Variants in CACNA2D3 observed in about 807,000 individuals in gnomAD.
The protein encoded by CACNA2D3 is calcium voltage-gated channel auxiliary subunit alpha2delta 3.
Under a neutral mutation model 160.6 loss-of-function variants are expected in CACNA2D3, and 60 were observed. The observed-to-expected ratio is 0.37, with a 90% CI of 0.30 to 0.46. The LOEUF (loss-of-function observed/expected upper bound fraction) is 0.46, where lower values mean the gene tolerates loss of function less well. CACNA2D3 is among the 20% of genes least tolerant of loss of function. The pLI is 1.00. For missense variants in CACNA2D3, 1,205 were observed against 1,365.0 expected, an observed-to-expected ratio of 0.88 and a Z score of 1.85; for synonymous variants, 558 against 492.9, an observed-to-expected ratio of 1.13 and a Z score of -1.75.
At chr3:54,907,139 C>T (rs1260365737) in intron 27 of CACNA2D3, among the ~76,000 whole-genome samples, 1 of 152,198 alleles carries the variant, frequency 6.6e-6, no homozygotes, top group Admixed American at 6.5e-5. Flanking sequence ...CATCCTCTTA[C>T]CTGCTTGTGT....
At position 54,764,205 on chromosome 3, in the gene CACNA2D3, T is replaced by G. The variant is rs746144734; in HGVS notation, c.1247-13T>G. 2.6e-5 allele frequency: 42 copies of G among 1,613,300 alleles called. No individual in the cohort carries two copies. Among genetic ancestry groups the G allele is most frequent in the Non-Finnish European group, 3.5e-5 (41 of 1,179,592 alleles). On this transcript the variant is annotated splice_polypyrimidine_tract_variant and intron_variant, in intron 12 of 37. Transcript: ENST00000474759. ...TCTGTTACTAAACTTGGCCCTCCCT[T>G]GGGTTTTGACAGGATTTTTTACCCA...
At chr3:54,146,755 C>G (rs1700037510) in intron 2 of CACNA2D3, among the ~76,000 whole-genome samples, 1 of 152,246 alleles carries the variant, frequency 6.6e-6, no homozygotes, top group Non-Finnish European at 1.5e-5. Flanking sequence ...CGGGGTGTCA[C>G]CGTTAGGGCC....
rs910281026 is a variant in CACNA2D3, at chr3:54,315,318, ACAAT to A, written c.205-5120_205-5117del. 8.5e-5 allele frequency among the ~76,000 whole-genome samples: 13 copies of A among 152,294 alleles called. 1 individual carries two copies. Among genetic ancestry groups the A allele is most frequent in the African/African-American group, 2.9e-4 (12 of 41,564 alleles). Reference sequence around the variant, plus strand: ...CACCCCGCAGAGGCCCTGTGGAGGAACAATCAACTCTCGTGACTTCACATGTGAC... The same window carrying A: ...CACCCCGCAGAGGCCCTGTGGAGGAACAACTCTCGTGACTTCACATGTGAC... On this transcript the variant is annotated intron_variant, in intron 2 of 37. Transcript: ENST00000474759.
At chr3:54,368,362 G>A (rs78278565) in intron 3 of CACNA2D3, among the ~76,000 whole-genome samples, 4,090 of 152,128 alleles carry the variant, frequency 0.027, 93 homozygotes, top group Middle Eastern at 0.048. Flanking sequence ...TTACCTATTC[G>A]TCTCCTTTAC....
At chr3:54,484,132 C>T (rs369136033) in intron 4 of CACNA2D3, among the ~76,000 whole-genome samples, 6 of 152,166 alleles carry the variant, frequency 3.9e-5, no homozygotes, top group African/African-American at 7.2e-5. Flanking sequence ...TGAAACACTA[C>T]GGTACTCCCA....
chr3:54,673,955 C>T lies in CACNA2D3; in HGVS notation c.1167+31714C>T, dbSNP rs185543147. Reference sequence around the variant, plus strand: ...GCCTCATGTGTCTCTAGACTTAAACCGCCGGCAGCTGTGTCTTCCATGGCT... The same window carrying T: ...GCCTCATGTGTCTCTAGACTTAAACTGCCGGCAGCTGTGTCTTCCATGGCT... On this transcript the variant is annotated intron_variant, in intron 11 of 37. Coordinates refer to ENST00000474759, the MANE Select transcript of CACNA2D3 (RefSeq NM_018398.3). 1.8e-4 allele frequency among the ~76,000 whole-genome samples: 28 copies of T among 152,284 alleles called. No individual in the cohort carries two copies. In the East Asian group the frequency reaches 4.1e-3, roughly 22 times the overall value.
At chr3:54,317,817 GT>G (rs1703900562) in intron 2 of CACNA2D3, among the ~76,000 whole-genome samples, 2 of 152,154 alleles carry the variant, frequency 1.3e-5, no homozygotes, top group Non-Finnish European at 2.9e-5. Context: ...GGGATTACAG[GT>G]GTGAACCACC....
chr3:54,425,972 A>G (rs1459441228), intron 4 of CACNA2D3, among the ~76,000 whole-genome samples: 1 of 152,230 alleles, frequency 6.6e-6, no homozygotes, highest in Non-Finnish European at 1.5e-5. Context: ...TCCTAGCCTC[A>G]GAGACAGTAG....
intron 4 of CACNA2D3, among the ~76,000 whole-genome samples, chr3:54,439,757 CT>C (rs1218160491): frequency 1.3e-5 from 2 of 152,130 alleles, no homozygotes; most frequent in African/African-American, 4.8e-5. Flanking sequence ...AGGAAATACA[CT>C]TTCCTCATGA....
chr3:54,587,025 G>A (rs1051347647), intron 9 of CACNA2D3, among the ~76,000 whole-genome samples: 2 of 151,990 alleles, frequency 1.3e-5, no homozygotes, highest in African/African-American at 4.8e-5. Flanking sequence ...AGCAATGTTA[G>A]GGGAGAAATT....
intron 2 of CACNA2D3, among the ~76,000 whole-genome samples, chr3:54,200,068 T>C (rs1474570648): frequency 1.3e-5 from 2 of 152,216 alleles, no homozygotes; most frequent in Non-Finnish European, 1.5e-5. Context: ...TCTGGCCCTT[T>C]ATAGGAAAAG....
At chr3:54,391,157 G>A (rs750599110) in intron 4 of CACNA2D3, among the ~76,000 whole-genome samples, 1 of 152,198 alleles carries the variant, frequency 6.6e-6, no homozygotes. Flanking sequence ...CAACATTCAT[G>A]TGCTTCAAAG....
chr3:54,129,573 C>T (rs1268709838), intron 2 of CACNA2D3, among the ~76,000 whole-genome samples: 16 of 152,202 alleles, frequency 1.1e-4, no homozygotes, highest in Admixed American at 9.8e-4. Flanking sequence ...TATCTTTTCA[C>T]AAGAAATGGA....
At chr3:54,240,290 G>A (rs1050375804) in intron 2 of CACNA2D3, among the ~76,000 whole-genome samples, 16 of 152,082 alleles carry the variant, frequency 1.1e-4, no homozygotes, top group African/African-American at 3.1e-4. Context: ...GATCCCATTC[G>A]TTGGTTTTTG....
intron 3 of CACNA2D3, among the ~76,000 whole-genome samples, chr3:54,344,046 G>T (rs1234353303): frequency 1.3e-5 from 2 of 152,164 alleles, no homozygotes; most frequent in African/African-American, 2.4e-5. Context: ...TTTAAAGGAA[G>T]TTTTTACGAA....
At chr3:54,762,519 G>A (rs1216922723) in intron 12 of CACNA2D3, among the ~76,000 whole-genome samples, 3 of 152,200 alleles carry the variant, frequency 2.0e-5, no homozygotes, top group Non-Finnish European at 4.4e-5. Context: ...CCCCAGGGGG[G>A]GCAGGGGTCT....
chr3:54,670,774 C>T (rs1427744468), intron 11 of CACNA2D3, among the ~76,000 whole-genome samples: 1 of 152,142 alleles, frequency 6.6e-6, no homozygotes, highest in Non-Finnish European at 1.5e-5. Flanking sequence ...CAGACACACA[C>T]CCTCAGCCTG....
chr3:54,550,484 G>A (rs975874747), intron 5 of CACNA2D3, among the ~76,000 whole-genome samples: 2 of 152,180 alleles, frequency 1.3e-5, no homozygotes, highest in Non-Finnish European at 2.9e-5. Flanking sequence ...AAATGTGGGC[G>A]GTCAAGGATA....
intron 2 of CACNA2D3, among the ~76,000 whole-genome samples, chr3:54,224,741 ATAT>A (rs1417010830): frequency 6.6e-5 from 10 of 152,096 alleles, no homozygotes; most frequent in Non-Finnish European, 1.0e-4. Flanking sequence ...AAACTTTAAG[ATAT>A]TATTCTTATT....
Sources: allele counts gnomAD v4.1 joint callset (sites outside exome capture counted in the v4.1 genomes callset), GRCh38; gene constraint gnomAD v4.1.1; transcripts MANE v1.5; gene names NCBI Gene and HGNC (gene_info 2026-07-23, HGNC 2026-07-21).